The following COL23A1 variants were observed in gnomAD, a reference collection of about 807,000 sequenced individuals.
COL23A1 encodes collagen type XXIII alpha 1 chain.
COL23A1 carries 97 observed loss-of-function variants against 99.3 expected under a neutral mutation model. The ratio of observed to expected loss-of-function variants is 0.98; its 90% CI spans 0.83 to 1.16. The LOEUF (loss-of-function observed/expected upper bound fraction) is 1.16. Among genes scored for constraint, COL23A1 ranks in the 50% most tolerant of loss-of-function variants. The probability of loss-of-function intolerance (pLI) is 0.00; values close to 1 mark genes in which losing one functional copy is unlikely to be tolerated. For synonymous variants in COL23A1, 320 were observed against 308.2 expected (o/e 1.04, Z -0.40); for missense variants, 762 against 757.4 (o/e 1.01, Z -0.07).
At chr5:178,477,060 G>A (rs1338473280) in intron 2 of COL23A1, among the ~76,000 whole-genome samples, 2 of 152,284 alleles carry the variant, frequency 1.3e-5, no homozygotes, top group East Asian at 1.9e-4. Context: ...ATGTGGCTTC[G>A]GATATTCTCA....
chr5:178,550,751 G>A (rs1414366745), intron 2 of COL23A1, among the ~76,000 whole-genome samples: 3 of 152,068 alleles, frequency 2.0e-5, no homozygotes, highest in African/African-American at 2.4e-5. Flanking sequence ...ATAGGGGGGC[G>A]TGTGATAATG....
At chr5:178,382,912 G>A (rs1763460986) in intron 2 of COL23A1, among the ~76,000 whole-genome samples, 1 of 152,188 alleles carries the variant, frequency 6.6e-6, no homozygotes, top group African/African-American at 2.4e-5. Flanking sequence ...AAACCAGGTG[G>A]CAACCAGGGG....
intron 2 of COL23A1, among the ~76,000 whole-genome samples, chr5:178,521,716 C>T (rs780034327): frequency 1.1e-4 from 17 of 152,188 alleles, no homozygotes; most frequent in Non-Finnish European, 2.5e-4. Context: ...CATGGATGAA[C>T]CCTGAAGTCC....
intron 5 of COL23A1, among the ~76,000 whole-genome samples, chr5:178,278,693 C>G (rs1756727070): frequency 6.6e-6 from 1 of 152,186 alleles, no homozygotes; most frequent in Admixed American, 6.5e-5. Flanking sequence ...CCCCACATAC[C>G]CATCCTTCCT....
intron 6 of COL23A1, 71 bp downstream of exon 6, chr5:178,270,266 G>T (rs1330957632): frequency 1.3e-6 from 2 of 1,576,402 alleles, no homozygotes; most frequent in African/African-American, 2.7e-5. Flanking sequence ...TCCAGTGCCT[G>T]CTGGTCACTC....
At chr5:178,358,809 T>G (rs1242657429) in intron 2 of COL23A1, among the ~76,000 whole-genome samples, 1 of 152,086 alleles carries the variant, frequency 6.6e-6, no homozygotes, top group South Asian at 2.1e-4. Flanking sequence ...TACCCATGTG[T>G]GATTTGTATA....
chr5:178,475,550 T>C (rs1436430074), intron 2 of COL23A1, among the ~76,000 whole-genome samples: 1 of 152,242 alleles, frequency 6.6e-6, no homozygotes, highest in Non-Finnish European at 1.5e-5. Context: ...TTTGCGGCAA[T>C]ATAAAATGTA....
At chr5:178,548,729 G>A (rs866981188) in intron 2 of COL23A1, among the ~76,000 whole-genome samples, 2 of 151,878 alleles carry the variant, frequency 1.3e-5, no homozygotes, top group Non-Finnish European at 2.9e-5. Flanking sequence ...TATTAACTAT[G>A]TATTTGTTGT....
chr5:178,408,490 G>C (rs1764873848), intron 2 of COL23A1, among the ~76,000 whole-genome samples: 1 of 152,074 alleles, frequency 6.6e-6, no homozygotes, highest in African/African-American at 2.4e-5. Flanking sequence ...CGTCTAGTGT[G>C]GTTCTCAATA....
chr5:178,238,796 T>C lies in COL23A1; in HGVS notation c.1621-96A>G, dbSNP rs1764241497. On this transcript the variant is annotated intron_variant, in intron 28 of 28. Coordinates refer to ENST00000390654, the MANE Select transcript of COL23A1 (RefSeq NM_173465.4). ...CCTGGCCTCCCCGGTCCTGCCCATT[T>C]CCTCCTATCTTCCCTCCCCCCACTC... 5 of 1,500,186 alleles carry C rather than the reference T, an allele frequency of 3.3e-6. No homozygotes were observed. In the Admixed American group the frequency reaches 8.4e-5, roughly 25 times the overall value. 92.9% of individuals were successfully genotyped at this position (1,500,186 alleles called of 1,614,324 possible).
intron 20 of COL23A1, 121 bp downstream of exon 20, chr5:178,248,071 T>G: frequency 2.6e-6 from 2 of 774,472 alleles, no homozygotes; most frequent in Non-Finnish European, 4.4e-6. Context: ...CCCCTTACTC[T>G]CCCTCCCCTA....
At position 178,264,750 on chromosome 5, in the gene COL23A1, G is replaced by A. The variant is rs544897065; in HGVS notation, c.523-1426C>T. Among the ~76,000 whole-genome samples, 38 of 152,276 alleles carry A rather than the reference G, an allele frequency of 2.5e-4. 2 individuals carry two copies. The highest frequency in any genetic ancestry group is 2.2e-3 in the Admixed American group (33 of 15,294). On this transcript the variant is annotated intron_variant, in intron 8 of 28. Coordinates refer to ENST00000390654, the MANE Select transcript of COL23A1 (RefSeq NM_173465.4). ...TGGCTCACTGCAACCTCCACCTCCC[G>A]GGTTCAAGCGATTCTCCTGCCTCAG...
chr5:178,494,103 AG>A (rs1283137036), intron 2 of COL23A1, among the ~76,000 whole-genome samples: 5 of 152,240 alleles, frequency 3.3e-5, no homozygotes, highest in Admixed American at 3.3e-4. Context: ...CACATTAGGC[AG>A]GGGTGAACAT....
intron 27 of COL23A1, among the ~76,000 whole-genome samples, chr5:178,241,394 C>T (rs1343708502): frequency 6.6e-6 from 1 of 151,938 alleles, no homozygotes; most frequent in East Asian, 1.9e-4. Flanking sequence ...GCTGCCCCAG[C>T]CCAGAGAGAC....
At position 178,490,805 on chromosome 5, in the gene COL23A1, TTTATG is replaced by T. The variant is rs1362408558; in HGVS notation, c.361+69872_361+69876del. ...AGAAAAAAAGATTTAAATGGTAAAT[TTTATG>T]TTATGTATGTTTTACCACAGTAAAA... On this transcript the variant is annotated intron_variant, in intron 2 of 28. Transcript: ENST00000390654. Among the ~76,000 whole-genome samples, 3 of 152,148 alleles carry T rather than the reference TTTATG, an allele frequency of 2.0e-5. No individual in the cohort carries two copies. In the East Asian group the frequency reaches 5.8e-4, roughly 29 times the overall value.
At position 178,450,472 on chromosome 5, in the gene COL23A1, G is replaced by A. The variant is rs115700225; in HGVS notation, c.361+110210C>T. Among the ~76,000 whole-genome samples the A allele has an allele frequency of 3.1e-3, 466 of 152,278 alleles. 5 individuals are homozygous for A. The highest frequency in any genetic ancestry group is 0.011 in the African/African-American group (454 of 41,562). On this transcript the variant is annotated intron_variant, in intron 2 of 28. Coordinates refer to ENST00000390654, the MANE Select transcript of COL23A1 (RefSeq NM_173465.4). ...AGCTGGAGCAGCCAGCGGGGGCCAG[G>A]AGAGGACATCGCACGCTGAGAACGA... is the stretch of plus-strand genomic sequence containing the variant.
intron 3 of COL23A1, among the ~76,000 whole-genome samples, chr5:178,296,901 G>A (rs1368681822): frequency 6.6e-6 from 1 of 152,196 alleles, no homozygotes; most frequent in Non-Finnish European, 1.5e-5. Flanking sequence ...CAGCGTCACA[G>A]CCTCCTAATC....
chr5:178,454,516 C>A (rs543984006), intron 2 of COL23A1, among the ~76,000 whole-genome samples: 1 of 152,194 alleles, frequency 6.6e-6, no homozygotes, highest in Non-Finnish European at 1.5e-5. Context: ...GGAGGAAAAG[C>A]CTGCAGTCTC....
chr5:178,520,370 C>T (rs948481661), intron 2 of COL23A1, among the ~76,000 whole-genome samples: 1 of 152,180 alleles, frequency 6.6e-6, no homozygotes, highest in East Asian at 1.9e-4. Flanking sequence ...TTCGGAACTG[C>T]ACCAACACCT....
Sources: allele counts gnomAD v4.1 joint callset (sites outside exome capture counted in the v4.1 genomes callset), GRCh38; gene constraint gnomAD v4.1.1; transcripts MANE v1.5; gene names NCBI Gene and HGNC (gene_info 2026-07-23, HGNC 2026-07-21).